The following PLEKHH2 variants were observed in gnomAD, a reference collection of about 807,000 sequenced individuals.
The protein encoded by PLEKHH2 is pleckstrin homology domain-containing family H member 2.
A neutral mutation model predicts 187.9 loss-of-function variants in PLEKHH2; 129 were observed. That is an observed-to-expected ratio of 0.69 (90% CI 0.59 to 0.79). The LOEUF (loss-of-function observed/expected upper bound fraction) is 0.79, where lower values mean the gene tolerates loss of function less well. Among genes scored for constraint, PLEKHH2 ranks in the 30% least tolerant of loss-of-function variants. The probability of loss-of-function intolerance (pLI) is 0.00; values close to 1 mark genes in which losing one functional copy is unlikely to be tolerated. For synonymous variants in PLEKHH2, 686 were observed against 605.6 expected (o/e 1.13, Z -1.95); for missense variants, 2,076 against 1,751.2 (o/e 1.19, Z -3.31).
chr2:43,700,144 G>T lies in PLEKHH2; in HGVS notation c.1186G>T (p.Asp396Tyr), dbSNP rs146556619. The T allele has an allele frequency of 1.9e-6, 3 of 1,613,936 alleles. No individual in the cohort carries two copies. Among genetic ancestry groups the T allele is most frequent in the African/African-American group, 1.3e-5 (1 of 74,878 alleles). ...LNKKFQSQRL[D>Y]YSSSSSEANT... ...TAAAAAATTTCAATCCCAGAGACTCGATTATTCATCTTCATCGAGTGAAGC... is the reference window on the plus strand; with the variant it reads ...TAAAAAATTTCAATCCCAGAGACTCTATTATTCATCTTCATCGAGTGAAGC... The change falls in exon 8 of 30, where the codon GAT becomes TAT. Residue 396 changes from aspartate to tyrosine, a missense_variant. By Grantham distance (160) the Asp-to-Tyr change is radical (BLOSUM62 -3). Transcript: ENST00000282406.
intron 2 of PLEKHH2, chr2:43,676,037 C>T (rs1340321132): frequency 6.2e-7 from 1 of 1,613,952 alleles, no homozygotes; most frequent in Non-Finnish European, 8.5e-7. Context: ...TCTGCTTTGT[C>T]ACAGTGTTTG....
chr2:43,749,523 A>AT lies in PLEKHH2; in HGVS notation c.3653+3569dup, dbSNP rs1309617789. On this transcript the variant is annotated intron_variant, in intron 24 of 29. Transcript: ENST00000282406. ...TGGCTCAGAATAAATCTCTTCAAAAATTTTTTTTTAAAAGAGAGAATTGTG... is the reference window on the plus strand; with the variant it reads ...TGGCTCAGAATAAATCTCTTCAAAAATTTTTTTTTTAAAAGAGAGAATTGTG... 1.2e-4 allele frequency among the ~76,000 whole-genome samples: 18 copies of AT among 152,038 alleles called. No homozygotes were observed. The South Asian group carries it at 3.7e-3, about 32-fold the overall frequency.
intron 2 of PLEKHH2, chr2:43,676,188 A>G: frequency 6.2e-7 from 1 of 1,614,034 alleles, no homozygotes; most frequent in Non-Finnish European, 8.5e-7. Flanking sequence ...TAGGTGGACG[A>G]AGGTGATGGT....
At chr2:43,681,601 G>C in intron 3 of PLEKHH2, 1 of 771,588 alleles carries the variant, frequency 1.3e-6, no homozygotes, top group Non-Finnish European at 2.2e-6. Flanking sequence ...CCTCTTTTTG[G>C]AGCTGTACAC....
chr2:43,704,295 A>C (rs1487217075), intron 9 of PLEKHH2, among the ~76,000 whole-genome samples: 3 of 152,144 alleles, frequency 2.0e-5, no homozygotes, highest in African/African-American at 4.8e-5. Flanking sequence ...AGATTTGCAA[A>C]ATGAAAAAGT....
chr2:43,688,276 A>G lies in PLEKHH2; in HGVS notation c.187-4238A>G, dbSNP rs563906428. The stretch of plus-strand genomic sequence containing the variant: ...CTATAAGGAAGTTGTTATTGTATGA[A>G]TCTAAACAATCTAAACAAATCTAAA... On this transcript the variant is annotated intron_variant, in intron 3 of 29. Coordinates refer to ENST00000282406, the MANE Select transcript of PLEKHH2 (RefSeq NM_172069.4). Among the ~76,000 whole-genome samples the G allele has an allele frequency of 9.8e-5, 15 of 152,352 alleles. No homozygotes were observed. The East Asian group carries it at 2.7e-3, about 27-fold the overall frequency.
At chr2:43,738,893 A>T (rs142126631) in intron 20 of PLEKHH2, among the ~76,000 whole-genome samples, 1 of 152,316 alleles carries the variant, frequency 6.6e-6, no homozygotes, top group East Asian at 1.9e-4. Flanking sequence ...TGCAGTAGAC[A>T]TCTTTGAACC....
At chr2:43,676,361 G>T in intron 2 of PLEKHH2, 1 of 1,508,476 alleles carries the variant, frequency 6.6e-7, no homozygotes, top group Non-Finnish European at 8.9e-7. Flanking sequence ...GTCAAAGGCA[G>T]CCTGGGACCG....
Position 43,739,067 on chromosome 2 carries a change from T to C in PLEKHH2, c.3123+547T>C, listed in dbSNP as rs145067566. 2.5e-3 allele frequency among the ~76,000 whole-genome samples: 381 copies of C among 152,234 alleles called. 1 individual carries two copies. The highest frequency in any genetic ancestry group is 2.6e-3 in the Non-Finnish European group (174 of 68,018). On this transcript the variant is annotated intron_variant, in intron 20 of 29. Transcript: ENST00000282406. ...CCAACACTCCCGGCTAATTTTGCATTTTTAGCAGAGATGGGGTTTCACCAT... is the reference window on the plus strand; with the variant it reads ...CCAACACTCCCGGCTAATTTTGCATCTTTAGCAGAGATGGGGTTTCACCAT...
rs374793866 is a variant in PLEKHH2, at chr2:43,712,364, T to C, written c.2441T>C (p.Met814Thr). 32 of 1,614,012 alleles carry C rather than the reference T, an allele frequency of 2.0e-5. No homozygotes were observed. The highest frequency in any genetic ancestry group is 1.1e-4 in the African/African-American group (8 of 74,938). Residue 814 changes from methionine to threonine, a missense_variant, in exon 15 of 30, where the codon ATG (methionine) becomes ACG (threonine). Coordinates refer to ENST00000282406, the MANE Select transcript of PLEKHH2 (RefSeq NM_172069.4). ...CTGCAGCCTGAGGGCAAACCCACCA[T>C]GAAGGGATTGCTCACTAAGGTAGGA... is the stretch of plus-strand genomic sequence containing the variant. ...LSLQPEGKPT[M>T]KGLLTKVKHG...
chr2:43,726,451 G>C lies in PLEKHH2; in HGVS notation c.2721G>C (p.Lys907Asn), dbSNP rs747641127. 3.8e-6 allele frequency: 6 copies of C among 1,595,564 alleles called. No homozygotes were observed. Among genetic ancestry groups the C allele is most frequent in the South Asian group, 3.3e-5 (3 of 90,466 alleles). ...TYLLIGSKHE[K>N]DTWLYHLTVA... ...TCCTAATTGGATCCAAGCATGAAAA[G>C]GTATTCAAAGACTTATTGGTTGATT... Residue 907 changes from lysine (K) to asparagine (N), a missense_variant and splice_region_variant, in exon 17 of 30, where the codon AAG becomes AAC. Transcript: ENST00000282406.
chr2:43,669,164 C>T (rs924269991), intron 2 of PLEKHH2, among the ~76,000 whole-genome samples: 3 of 152,136 alleles, frequency 2.0e-5, no homozygotes, highest in Non-Finnish European at 4.4e-5. Flanking sequence ...CCTTGAGAGA[C>T]TAGACACTGG....
At chr2:43,715,275 A>AAAAAAAAG (rs1425308637) in intron 15 of PLEKHH2, among the ~76,000 whole-genome samples, 3 of 151,478 alleles carry the variant, frequency 2.0e-5, no homozygotes, top group Non-Finnish European at 2.9e-5. Context: ...ACTCCGTCTA[A>AAAAAAAAG]AAAAAAAGAA....
intron 17 of PLEKHH2, among the ~76,000 whole-genome samples, chr2:43,728,660 C>A (rs1173992471): frequency 6.7e-6 from 1 of 149,436 alleles, no homozygotes; most frequent in Non-Finnish European, 1.5e-5. Flanking sequence ...CTCCTGGGTT[C>A]AAGAGATTCT....
At chr2:43,739,182 C>T (rs762871557) in intron 20 of PLEKHH2, among the ~76,000 whole-genome samples, 8 of 152,190 alleles carry the variant, frequency 5.3e-5, no homozygotes, top group East Asian at 1.9e-4. Flanking sequence ...TGAGCCACCG[C>T]GCCCACCAGG....
chr2:43,723,260 C>T (rs185555611), intron 16 of PLEKHH2, among the ~76,000 whole-genome samples: 1 of 152,198 alleles, frequency 6.6e-6, no homozygotes, highest in East Asian at 1.9e-4. Context: ...GGGTTTTTGG[C>T]AGGCCTGAGA....
At chr2:43,653,421 C>A (rs1028490210) in intron 2 of PLEKHH2, among the ~76,000 whole-genome samples, 1 of 152,098 alleles carries the variant, frequency 6.6e-6, no homozygotes, top group Non-Finnish European at 1.5e-5. Context: ...ATATCAAACC[C>A]AGAATTCTGC....
chr2:43,761,148 G>T (rs1294967198), intron 27 of PLEKHH2, among the ~76,000 whole-genome samples: 1 of 152,152 alleles, frequency 6.6e-6, no homozygotes, highest in Non-Finnish European at 1.5e-5. Context: ...TTGTATATAT[G>T]AGATGCTAGC....
At chr2:43,676,651 A>T (rs905499759) in intron 2 of PLEKHH2, among the ~76,000 whole-genome samples, 3 of 151,512 alleles carry the variant, frequency 2.0e-5, no homozygotes, top group Non-Finnish European at 4.4e-5. Context: ...AAAAGAATAA[A>T]ATTGAGTTTT....
Sources: allele counts gnomAD v4.1 joint callset (sites outside exome capture counted in the v4.1 genomes callset), GRCh38; gene constraint gnomAD v4.1.1; transcripts MANE v1.5; gene names NCBI Gene and HGNC (gene_info 2026-07-23, HGNC 2026-07-21).